Variants in TSHZ3 observed in about 807,000 individuals in gnomAD.
TSHZ3 encodes teashirt homolog 3.
Under a neutral mutation model 64.5 loss-of-function variants are expected in TSHZ3, and 10 were observed. The ratio of observed to expected loss-of-function variants is 0.16; its 90% CI spans 0.10 to 0.26. The LOEUF (loss-of-function observed/expected upper bound fraction) is 0.26. TSHZ3 is among the 10% of genes least tolerant of loss of function. TSHZ3 has a pLI of 1.00. For missense variants in TSHZ3, 1,242 were observed against 1,421.7 expected (o/e 0.87, Z 2.03); for synonymous variants, 608 against 593.1 (o/e 1.03, Z -0.36).
chr19:31,249,905 C>T (rs1847189612), intron 1 of TSHZ3, among the ~76,000 whole-genome samples: 1 of 152,214 alleles, frequency 6.6e-6, no homozygotes, highest in Admixed American at 6.5e-5. Flanking sequence ...CAATAACTAG[C>T]AGCAATGACT....
chr19:31,311,999 C>T lies in TSHZ3; in HGVS notation c.41-32247G>A, dbSNP rs557221666. Among the ~76,000 whole-genome samples, 12 of 152,318 alleles carry T rather than the reference C, an allele frequency of 7.9e-5. 2 individuals carry two copies. In the South Asian group the frequency reaches 2.5e-3, roughly 32 times the overall value. Reference sequence around the variant, plus strand: ...TCAACCTCCCAAAGTGCTCGGATTACAGGTGTGAGCCACTGCACCCGGCCA... The same window carrying T: ...TCAACCTCCCAAAGTGCTCGGATTATAGGTGTGAGCCACTGCACCCGGCCA... On this transcript the variant is annotated intron_variant, in intron 1 of 1. Transcript: ENST00000240587.
chr19:31,266,728 A>T (rs1342621654), intron 1 of TSHZ3, among the ~76,000 whole-genome samples: 1 of 152,198 alleles, frequency 6.6e-6, no homozygotes, highest in Non-Finnish European at 1.5e-5. Flanking sequence ...AATAAAATGC[A>T]TTTATCTCTA....
Position 31,276,970 on chromosome 19 carries a change from C to T in TSHZ3, c.2823G>A (p.Leu941=), listed in dbSNP as rs781010711. 6.2e-6 allele frequency: 10 copies of T among 1,613,994 alleles called. No individual in the cohort carries two copies. The South Asian group carries it at 6.6e-5, about 11-fold the overall frequency. The change falls in exon 2 of 2, where the codon CTG becomes CTA. Residue 941 remains leucine, a synonymous_variant. Transcript: ENST00000240587. Reference sequence around the variant, plus strand: ...GCCAGTGGCTGATGGTGGTCATGGACAGCCCGGTGAACCTGGAGATATGCA... The same window carrying T: ...GCCAGTGGCTGATGGTGGTCATGGATAGCCCGGTGAACCTGGAGATATGCA... ...ERMHISRFTG[L]SMTTISHWLA...
chr19:31,213,126 C>T (rs71350863), intron 4 of TSHZ3, among the ~76,000 whole-genome samples: 8 of 151,632 alleles, frequency 5.3e-5, no homozygotes, highest in South Asian at 4.2e-4. Flanking sequence ...GAGGCGGAGG[C>T]GGGTGGATTG....
intron 1 of TSHZ3, among the ~76,000 whole-genome samples, chr19:31,324,675 C>G (rs1001198906): frequency 6.6e-6 from 1 of 152,244 alleles, no homozygotes; most frequent in African/African-American, 2.4e-5. Flanking sequence ...ACAACAGTCC[C>G]TCTGTCTCCA....
chr19:31,350,236 G>T (rs868765011), upstream of TSHZ3, among the ~76,000 whole-genome samples: 1 of 150,458 alleles, frequency 6.6e-6, no homozygotes. Context: ...CGGGGCGGGT[G>T]GGGGCAGCCC....
intron 5 of TSHZ3, among the ~76,000 whole-genome samples, chr19:31,159,395 T>C (rs1429770058): frequency 6.6e-6 from 1 of 152,234 alleles, no homozygotes; most frequent in East Asian, 1.9e-4. Context: ...TAATTCCATC[T>C]GCAACCTCAA....
intron 1 of TSHZ3, among the ~76,000 whole-genome samples, chr19:31,340,830 G>GC (rs1191782830): frequency 1.3e-5 from 2 of 152,174 alleles, no homozygotes; most frequent in Non-Finnish European, 2.9e-5. Flanking sequence ...CAGGAGGCAG[G>GC]CCCCGCTTTC....
chr19:31,258,762 C>G (rs1025329296), intron 1 of TSHZ3, among the ~76,000 whole-genome samples: 1 of 152,170 alleles, frequency 6.6e-6, no homozygotes, highest in African/African-American at 2.4e-5. Flanking sequence ...TGTAGTCTCC[C>G]GGGGAGAAAT....
chr19:31,219,814 T>C (rs1390997371), intron 4 of TSHZ3, among the ~76,000 whole-genome samples: 12 of 149,248 alleles, frequency 8.0e-5, no homozygotes, highest in Non-Finnish European at 1.6e-4. Context: ...TATGTATATA[T>C]ATAAAAAATA....
At chr19:31,312,422 T>C (rs748071371) in intron 1 of TSHZ3, among the ~76,000 whole-genome samples, 113 of 152,302 alleles carry the variant, frequency 7.4e-4, no homozygotes, top group Middle Eastern at 3.4e-3. Context: ...GATGGGGTAG[T>C]CCTATCGGAC....
intron 5 of TSHZ3, among the ~76,000 whole-genome samples, chr19:31,173,841 G>A (rs940502301): frequency 9.9e-5 from 15 of 152,118 alleles, no homozygotes; most frequent in Admixed American, 7.2e-4. Context: ...AGGCTGAAGC[G>A]GGCAGATCAT....
chr19:31,287,541 G>A (rs182485091), intron 1 of TSHZ3, among the ~76,000 whole-genome samples: 8 of 152,054 alleles, frequency 5.3e-5, no homozygotes, highest in African/African-American at 1.7e-4. Context: ...CAGGGTTTGA[G>A]AAGGGGTCAG....
intron 5 of TSHZ3, among the ~76,000 whole-genome samples, chr19:31,168,152 T>C (rs1166835534): frequency 6.6e-6 from 1 of 150,752 alleles, no homozygotes; most frequent in Non-Finnish European, 1.5e-5. Flanking sequence ...TGATCTAGTA[T>C]TTTTTTTTCC....
intron 1 of TSHZ3, among the ~76,000 whole-genome samples, chr19:31,260,954 G>A (rs896921750): frequency 9.9e-5 from 15 of 152,124 alleles, no homozygotes; most frequent in South Asian, 2.1e-4. Flanking sequence ...GCACTGTGCC[G>A]GCTCCTATAA....
At chr19:31,293,304 C>T (rs1976606867) in intron 1 of TSHZ3, among the ~76,000 whole-genome samples, 2 of 152,230 alleles carry the variant, frequency 1.3e-5, no homozygotes, top group South Asian at 4.1e-4. Flanking sequence ...TGGTTAAACA[C>T]AGAGCACAAG....
chr19:31,301,630 A>G (rs1018259759), intron 1 of TSHZ3, among the ~76,000 whole-genome samples: 3 of 152,104 alleles, frequency 2.0e-5, no homozygotes, highest in Non-Finnish European at 4.4e-5. Context: ...GGGATTCCGC[A>G]AGGTCCACCC....
chr19:31,163,144 T>C (rs1307984164), intron 5 of TSHZ3, among the ~76,000 whole-genome samples: 2 of 152,158 alleles, frequency 1.3e-5, no homozygotes, highest in East Asian at 3.9e-4. Flanking sequence ...ACAGAAAGGA[T>C]AAGCTTTGTT....
chr19:31,270,284 C>G (rs1007130148), downstream of TSHZ3, among the ~76,000 whole-genome samples: 1 of 152,188 alleles, frequency 6.6e-6, no homozygotes, highest in South Asian at 2.1e-4. Context: ...GATGTGAGCT[C>G]TTACCCAGGA....
Sources: gnomAD v4.1 joint callset for allele counts (sites outside exome capture counted in the v4.1 genomes callset) on GRCh38, gnomAD v4.1.1 for gene constraint, MANE v1.5 for transcripts, NCBI Gene and HGNC (gene_info 2026-07-23, HGNC 2026-07-21) for gene names.